The following GGNBP2 variants were observed in gnomAD, a reference collection of about 807,000 sequenced individuals.
GGNBP2 encodes gametogenetin-binding protein 2.
Under a neutral mutation model 85.9 loss-of-function variants are expected in GGNBP2, and 10 were observed. The ratio of observed to expected loss-of-function variants is 0.12; its 90% CI spans 0.07 to 0.20. The LOEUF is 0.20. Among genes scored for constraint, GGNBP2 ranks in the 10% least tolerant of loss-of-function variants. The pLI is 1.00. For synonymous variants in GGNBP2, 287 were observed against 285.7 expected, an observed-to-expected ratio of 1.00 and a Z score of -0.05; for missense variants, 595 against 857.8, an observed-to-expected ratio of 0.69 and a Z score of 3.83.
Position 36,557,284 on chromosome 17 carries a change from A to G in GGNBP2, c.376A>G (p.Arg126Gly), listed in dbSNP as rs563852940. 2 of 1,613,938 alleles carry G rather than the reference A, an allele frequency of 1.2e-6. No individual in the cohort carries two copies. Among genetic ancestry groups the G allele is most frequent in the East Asian group, 2.2e-5 (1 of 44,888 alleles). The part of the protein sequence containing the change: ...VGPKGVLSVT[R>G]SCMTDAKKLY... ...GCCCAAGGGAGTCCTGTCTGTAACT[A>G]GAAGCTGCATGACTGATGCAAAGAA... The change falls in exon 4 of 14, where the codon AGA becomes GGA. Residue 126 changes from arginine (R) to glycine (G), a missense_variant. This residue lies in a region of GGNBP2 where 216 missense variants were observed against 293.4 expected (regional missense o/e 0.74). Coordinates refer to ENST00000613102, the MANE Select transcript of GGNBP2 (RefSeq NM_024835.5).
At chr17:36,560,322 C>T (rs1599512240) in intron 4 of GGNBP2, among the ~76,000 whole-genome samples, 2 of 152,104 alleles carry the variant, frequency 1.3e-5, no homozygotes, top group South Asian at 2.1e-4. Context: ...ATGGAAGGTG[C>T]GGATAGTAGT....
chr17:36,562,334 T>C (rs994852720), intron 5 of GGNBP2, among the ~76,000 whole-genome samples: 1 of 151,942 alleles, frequency 6.6e-6, no homozygotes, highest in South Asian at 2.1e-4. Context: ...TCCTGGCTAA[T>C]TTTTTTGGAT....
intron 5 of GGNBP2, among the ~76,000 whole-genome samples, chr17:36,563,905 G>A (rs923368858): frequency 6.6e-6 from 1 of 151,764 alleles, no homozygotes; most frequent in Non-Finnish European, 1.5e-5. Flanking sequence ...TACCATGCCC[G>A]GCTAATTTTT....
At chr17:36,575,648 A>ATATATATTTTT (rs374366757) in intron 6 of GGNBP2, among the ~76,000 whole-genome samples, 11 of 54,908 alleles carry the variant, frequency 2.0e-4, no homozygotes, top group East Asian at 6.3e-4. Flanking sequence ...ATATATATAT[A>ATATATATTTTT]TTTTTTTTTT....
intron 6 of GGNBP2, among the ~76,000 whole-genome samples, chr17:36,571,434 C>G (rs1818718906): frequency 6.6e-6 from 1 of 152,098 alleles, no homozygotes; most frequent in African/African-American, 2.4e-5. Context: ...CCTGTAATCC[C>G]AGCTACTCAG....
chr17:36,568,716 CTT>C (rs1326785725), intron 6 of GGNBP2, among the ~76,000 whole-genome samples: 1 of 151,758 alleles, frequency 6.6e-6, no homozygotes, highest in African/African-American at 2.4e-5. Context: ...ATAAAAGTAA[CTT>C]CAGATTTTTC....
At chr17:36,576,629 G>GTGTGTGTGTGTGTGTGTGTATA (rs1203227585) in intron 6 of GGNBP2, 6 of 111,078 alleles carry the variant, frequency 5.4e-5, no homozygotes, top group African/African-American at 2.4e-4. Context: ...GTGTGTGTGT[G>GTGTGTGTGTGTGTGTGTGTATA]TATATGTATA....
chr17:36,587,945 G>C (rs1304618225), intron 13 of GGNBP2, among the ~76,000 whole-genome samples: 1 of 152,210 alleles, frequency 6.6e-6, no homozygotes, highest in African/African-American at 2.4e-5. Flanking sequence ...GTAGTTAGGA[G>C]AAAGGATAGA....
intron 6 of GGNBP2, 88 bp from the exon 7 acceptor site, chr17:36,577,895 G>A: frequency 3.1e-6 from 3 of 967,828 alleles, no homozygotes; most frequent in Middle Eastern, 2.1e-4. Flanking sequence ...GTAGATGGGA[G>A]AGAGTGCCAT....
At chr17:36,588,712 G>C (rs1393219566) in intron 13 of GGNBP2, among the ~76,000 whole-genome samples, 1 of 151,296 alleles carries the variant, frequency 6.6e-6, no homozygotes, top group Non-Finnish European at 1.5e-5. Context: ...TGATTCTCCT[G>C]CCTCAGCCTC....
chr17:36,589,737 G>A lies in GGNBP2; in HGVS notation c.*326G>A. 3.5e-6 allele frequency: 1 copy of A among 288,400 alleles called. No individual in the cohort carries two copies. The highest frequency in any genetic ancestry group is 6.5e-6 in the Non-Finnish European group (1 of 155,002). 17.9% of individuals were successfully genotyped at this position (288,400 alleles called of 1,614,324 possible). ...TTCTGTACAGAAATGACAATGAGCT[G>A]AATATATGGTTTTACAAAGTAGACA... is the stretch of plus-strand genomic sequence containing the variant. On this transcript the variant is annotated 3_prime_UTR_variant, in exon 14 of 14. Transcript: ENST00000613102.
chr17:36,585,381 A>C lies in GGNBP2; in HGVS notation c.1297A>C (p.Thr433Pro), dbSNP rs2074690689. The C allele has an allele frequency of 6.2e-7, 1 of 1,612,578 alleles. No individual in the cohort carries two copies. Among genetic ancestry groups the C allele is most frequent in the Admixed American group, 1.7e-5 (1 of 59,928 alleles). The change falls in exon 10 of 14, where the codon ACC becomes CCC. Residue 433 changes from threonine (T) to proline (P), a missense_variant. Thr to Pro is a conservative substitution (Grantham distance 38, BLOSUM62 -1). Coordinates refer to ENST00000613102, the MANE Select transcript of GGNBP2 (RefSeq NM_024835.5). ...TAATACTTGTGTAGAAGTAATTGTT[A>C]CCAATGAAAATACATCATGTACCTG... ...DGNTCVEVIV[T>P]NENTSCTCPS...
chr17:36,550,748 G>C (rs966116548), intron 2 of GGNBP2, among the ~76,000 whole-genome samples: 1 of 152,142 alleles, frequency 6.6e-6, no homozygotes, highest in African/African-American at 2.4e-5. Flanking sequence ...TATGGGTAGG[G>C]AACCTCTTCA....
At position 36,559,945 on chromosome 17, in the gene GGNBP2, G is replaced by A. The variant is rs145182591; in HGVS notation, c.429-828G>A. On this transcript the variant is annotated intron_variant, in intron 4 of 13. Coordinates refer to ENST00000613102, the MANE Select transcript of GGNBP2 (RefSeq NM_024835.5). ...CGCCTCCCAGATTCAAGTGATTCTC[G>A]TGCCTCAGCCTCCTGAGAAGCTGGG... is the stretch of plus-strand genomic sequence containing the variant. Among the ~76,000 whole-genome samples the A allele has an allele frequency of 7.1e-4, 108 of 152,012 alleles. 3 individuals are homozygous for A. The East Asian group carries it at 0.016, about 22-fold the overall frequency.
At chr17:36,575,670 G>C in intron 6 of GGNBP2, among the ~76,000 whole-genome samples, 1 of 85,416 alleles carries the variant, frequency 1.2e-5, no homozygotes, top group Non-Finnish European at 2.1e-5. Flanking sequence ...TTTTGAGATG[G>C]AGTTTCGCTC....
Position 36,589,459 on chromosome 17 carries a change from T to C in GGNBP2, c.*48T>C, listed in dbSNP as rs966496749. 2 of 1,410,954 alleles carry C rather than the reference T, an allele frequency of 1.4e-6. No individual in the cohort carries two copies. Among genetic ancestry groups the C allele is most frequent in the African/African-American group, 2.8e-5 (2 of 70,318 alleles). 87.4% of individuals were successfully genotyped at this position (1,410,954 alleles called of 1,614,324 possible). A position where few individuals can be genotyped will look rare whatever the true frequency, so the allele number is the denominator to read the frequency against. On this transcript the variant is annotated 3_prime_UTR_variant, in exon 14 of 14. Transcript: ENST00000613102. ...TCAATGAAACACTCACGATGACTAC[T>C]GCGCCTTCTCTTTCGAAAAACTCTT...
intron 6 of GGNBP2, among the ~76,000 whole-genome samples, 175 bp downstream of exon 6, chr17:36,567,951 G>A (rs2074484692): frequency 6.6e-6 from 1 of 151,548 alleles, no homozygotes; most frequent in Admixed American, 6.6e-5. Context: ...TTTTGAGATG[G>A]AGTCTAGCTC....
intron 5 of GGNBP2, among the ~76,000 whole-genome samples, chr17:36,562,160 T>G (rs775774591): frequency 3.9e-5 from 6 of 152,098 alleles, no homozygotes; most frequent in Non-Finnish European, 8.8e-5. Context: ...ACTTCTTTAT[T>G]AATTTTATCT....
rs962530104 is a variant in GGNBP2, at chr17:36,544,961, G to C, written c.-243G>C. On this transcript the variant is annotated 5_prime_UTR_variant, in exon 1 of 14. Coordinates refer to ENST00000613102, the MANE Select transcript of GGNBP2 (RefSeq NM_024835.5). ...GCGGCTGACTGCCCGTAGAGGAAAC[G>C]ACATTCGGAGCTGCGCTCCCGCCCA... is the stretch of plus-strand genomic sequence containing the variant. 14 of 151,736 alleles carry C rather than the reference G, an allele frequency of 9.2e-5. No individual in the cohort carries two copies. Among genetic ancestry groups the C allele is most frequent in the African/African-American group, 2.2e-4 (9 of 41,262 alleles). The allele number at this position is 151,736 out of a possible 1,614,324, so 9.4% of individuals were successfully genotyped here.
Sources: allele counts gnomAD v4.1 joint callset (sites outside exome capture counted in the v4.1 genomes callset), GRCh38; gene constraint gnomAD v4.1.1; regional missense constraint gnomAD v4.1.1; transcripts MANE v1.5; gene names NCBI Gene and HGNC (gene_info 2026-07-23, HGNC 2026-07-21).